The following PCDHGA7 variants were observed in gnomAD, a reference collection of about 807,000 sequenced individuals.
PCDHGA7 encodes protocadherin gamma subfamily A, 7.
In PCDHGA7, 44 loss-of-function variants were observed where a neutral mutation model predicts 58.3. The observed-to-expected ratio is 0.75, with a 90% CI of 0.59 to 0.97. The LOEUF is 0.97. Ranked by LOEUF, PCDHGA7 falls within the 50% of genes least tolerant of loss-of-function variation. The pLI is 0.00. For missense variants in PCDHGA7, 1,266 were observed against 1,188.7 expected (o/e 1.06, Z -0.96); for synonymous variants, 516 against 504.2 (o/e 1.02, Z -0.31).
chr5:141,409,156 A>G (rs771600341), intron 1 of PCDHGA7: 1 of 1,613,986 alleles, frequency 6.2e-7, no homozygotes, highest in Non-Finnish European at 8.5e-7. Flanking sequence ...ACACCATGGA[A>G]GTGGAAGCGA....
At chr5:141,430,743 T>C in intron 1 of PCDHGA7, 1 of 1,498,372 alleles carries the variant, frequency 6.7e-7, no homozygotes, top group Non-Finnish European at 8.9e-7. Flanking sequence ...TGAAAATAAT[T>C]CTGGAGGAAG....
rs757586675 is a variant in PCDHGA7, at chr5:141,399,621, C to T, written c.2424+14298C>T. The T allele has an allele frequency of 1.1e-5, 17 of 1,613,830 alleles. No individual in the cohort carries two copies. The African/African-American group carries it at 2.3e-4, about 22-fold the overall frequency. On this transcript the variant is annotated intron_variant, in intron 1 of 3. Transcript: ENST00000518325. Reference sequence around the variant, plus strand: ...GCGACCTAGAGCCTCTGGCACTGGCCTCTTACGTGTCCATGAGCGCGCAAA... The same window carrying T: ...GCGACCTAGAGCCTCTGGCACTGGCTTCTTACGTGTCCATGAGCGCGCAAA...
rs17097297 is a variant in PCDHGA7 at position 141,426,366 on chromosome 5, G to C, written c.2424+41043G>C. 737 of 204,832 alleles carry C rather than the reference G, an allele frequency of 3.6e-3. 4 individuals are homozygous for C. The highest frequency in any genetic ancestry group is 0.015 in the African/African-American group (666 of 43,954). 12.7% of individuals were successfully genotyped at this position (204,832 alleles called of 1,614,324 possible). Reference sequence around the variant, plus strand: ...CTTTCCTGCTGCCTTTGTTCTGCGGGGCACCCTCGGAGCAGATCCGCTACT... The same window carrying C: ...CTTTCCTGCTGCCTTTGTTCTGCGGCGCACCCTCGGAGCAGATCCGCTACT... On this transcript the variant is annotated intron_variant, in intron 1 of 3. Transcript: ENST00000518325.
intron 1 of PCDHGA7, among the ~76,000 whole-genome samples, chr5:141,482,072 C>G (rs1010432509): frequency 1.5e-5 from 2 of 133,436 alleles, no homozygotes; most frequent in African/African-American, 5.9e-5. Flanking sequence ...GCAACAAGAA[C>G]AAAACTCACT....
chr5:141,420,065 G>A (rs1253164840), intron 1 of PCDHGA7: 4 of 1,614,018 alleles, frequency 2.5e-6, no homozygotes, highest in Non-Finnish European at 3.4e-6. Flanking sequence ...CTCCAAGTCC[G>A]GACCTGTGGG....
intron 1 of PCDHGA7, chr5:141,440,479 T>C (rs949675242): frequency 6.6e-6 from 1 of 152,172 alleles, no homozygotes; most frequent in African/African-American, 2.4e-5. Context: ...TTGAAAATTC[T>C]TTAAATGTTT....
At position 141,431,612 on chromosome 5, in the gene PCDHGA7, G is replaced by A. The variant is rs79883194; in HGVS notation, c.2424+46289G>A. 1.9e-6 allele frequency: 3 copies of A among 1,614,126 alleles called. No homozygotes were observed. The highest frequency in any genetic ancestry group is 2.5e-6 in the Non-Finnish European group (3 of 1,180,052). ...AGTGAGGTATTCCTTCCGGTATGTG[G>A]ACGACAAGGCGGCCCAAGTTTTCAA... On this transcript the variant is annotated intron_variant, in intron 1 of 3. Coordinates refer to ENST00000518325, the MANE Select transcript of PCDHGA7 (RefSeq NM_018920.4). This position sits in a 1 kb window ranked among gnomAD's most constrained non-coding sequence, Gnocchi z 4.8.
rs1456184444 is a variant in PCDHGA7, at chr5:141,512,578, C to G, written c.*1405C>G. ...ATAGACCTTCTTCTCCCACCCCCTT[C>G]TGCCCCTGGGTCCCCGGCCATCCAG... On this transcript the variant is annotated 3_prime_UTR_variant, in exon 4 of 4. Coordinates refer to ENST00000518325, the MANE Select transcript of PCDHGA7 (RefSeq NM_018920.4). The G allele has an allele frequency of 6.5e-6, 1 of 153,062 alleles. No individual in the cohort carries two copies. The highest frequency in any genetic ancestry group is 1.5e-5 in the Non-Finnish European group (1 of 68,534). 9.5% of individuals were successfully genotyped at this position (153,062 alleles called of 1,614,324 possible). A position where few individuals can be genotyped will look rare whatever the true frequency, so the allele number is the denominator to read the frequency against.
intron 1 of PCDHGA7, among the ~76,000 whole-genome samples, chr5:141,447,688 G>A (rs188511217): frequency 1.4e-4 from 22 of 152,258 alleles, no homozygotes; most frequent in African/African-American, 4.3e-4. Context: ...TATCTTGATA[G>A]AGGGATGGGT....
chr5:141,385,690 G>A (rs1308061047), intron 1 of PCDHGA7: 1 of 326,260 alleles, frequency 3.1e-6, no homozygotes, highest in African/African-American at 2.2e-5. Context: ...GTCTTCTCAG[G>A]ATTCTCTTTA....
chr5:141,487,675 A>G lies in PCDHGA7; in HGVS notation c.2425-7132A>G, dbSNP rs752606441. ...GTTATTCTGATCCAGGCATATGGCT[A>G]GGCCATGTCCTAGAGAGTACTGGCC... On this transcript the variant is annotated intron_variant, in intron 1 of 3. Transcript: ENST00000518325. This position sits in a 1 kb window ranked among gnomAD's most constrained non-coding sequence, Gnocchi z 5.0. 22 of 1,611,038 alleles carry G rather than the reference A, an allele frequency of 1.4e-5. No individual in the cohort carries two copies. Among genetic ancestry groups the G allele is most frequent in the Non-Finnish European group, 1.7e-5 (20 of 1,178,458 alleles).
chr5:141,506,444 CAAAAAAAAAAAAA>C (rs1219684339), intron 3 of PCDHGA7, among the ~76,000 whole-genome samples: 1 of 95,030 alleles, frequency 1.1e-5, no homozygotes, highest in Non-Finnish European at 2.2e-5. Context: ...CGCTCTGTCT[CAAAAAAAAAAAAA>C]AAAAAAAAGA....
In PCDHGA7 at chr5:141,459,764, A is replaced by G. The variant is rs980972909; in HGVS notation, c.2425-35043A>G. On this transcript the variant is annotated intron_variant, in intron 1 of 3. Transcript: ENST00000518325. ...TTTTAGCAATTCTAGTGGGTGTGTG[A>G]TACTATCTCATTGAAGTTTCAACTG... Among the ~76,000 whole-genome samples, 56 of 152,208 alleles carry G rather than the reference A, an allele frequency of 3.7e-4. 1 individual carries two copies. Among genetic ancestry groups the G allele is most frequent in the Admixed American group, 6.5e-5 (1 of 15,274 alleles).
intron 1 of PCDHGA7, chr5:141,409,680 C>T (rs756713114): frequency 1.9e-6 from 3 of 1,613,242 alleles, no homozygotes; most frequent in African/African-American, 1.3e-5. Context: ...TCTATAGTGG[C>T]GAGTGACCTA....
At chr5:141,394,239 G>A (rs530540432) in intron 1 of PCDHGA7, 1 of 1,613,868 alleles carries the variant, frequency 6.2e-7, no homozygotes, top group South Asian at 1.1e-5. Flanking sequence ...TTCCTTGACT[G>A]CACACGACCC....
At chr5:141,446,169 C>A (rs920519501) in intron 1 of PCDHGA7, among the ~76,000 whole-genome samples, 1 of 152,014 alleles carries the variant, frequency 6.6e-6, no homozygotes, top group African/African-American at 2.4e-5. Flanking sequence ...TTCATGAGGG[C>A]AGGGGGTGTT....
chr5:141,485,676 G>A lies in PCDHGA7; in HGVS notation c.2425-9131G>A. The A allele has an allele frequency of 6.2e-7, 1 of 1,612,928 alleles. No individual in the cohort carries two copies. The highest frequency in any genetic ancestry group is 2.2e-5 in the East Asian group (1 of 44,848). On this transcript the variant is annotated intron_variant, in intron 1 of 3. Coordinates refer to ENST00000518325, the MANE Select transcript of PCDHGA7 (RefSeq NM_018920.4). This position sits in a 1 kb window ranked among gnomAD's most constrained non-coding sequence, Gnocchi z 5.7. ...GCAGATGTGGGGAGCAATTCGATTA[G>A]CAGCTATAGGCTGAGCTCCAATGAA...
In PCDHGA7 at chr5:141,491,250, C is replaced by T. The variant is rs1328621598; in HGVS notation, c.2425-3557C>T. The T allele has an allele frequency of 6.2e-7, 1 of 1,614,148 alleles. No individual in the cohort carries two copies. Among genetic ancestry groups the T allele is most frequent in the South Asian group, 1.1e-5 (1 of 91,092 alleles). ...TGCTGCTGGTTCTGGAGGATGAGGA[C>T]CCTGAGGAAATGCCCAAATCCAGTG... On this transcript the variant is annotated intron_variant, in intron 1 of 3. Transcript: ENST00000518325. The surrounding 1 kb of genome is among the most constrained non-coding windows in gnomAD (Gnocchi z 6.9).
In PCDHGA7 at chr5:141,485,798, C is replaced by T. The variant is rs764109672; in HGVS notation, c.2425-9009C>T. The T allele has an allele frequency of 2.0e-5, 32 of 1,614,172 alleles. No individual in the cohort carries two copies. The highest frequency in any genetic ancestry group is 1.1e-4 in the East Asian group (5 of 44,876). ...GGATCGAGAGAAGCAATCGGACTAC[C>T]GCCTGGTGCTGACTGCTGTCGATGG... is the stretch of plus-strand genomic sequence containing the variant. On this transcript the variant is annotated intron_variant, in intron 1 of 3. Coordinates refer to ENST00000518325, the MANE Select transcript of PCDHGA7 (RefSeq NM_018920.4). The surrounding 1 kb of genome is among the most constrained non-coding windows in gnomAD (Gnocchi z 5.7).
Sources: gnomAD v4.1 joint callset for allele counts (sites outside exome capture counted in the v4.1 genomes callset) on GRCh38, gnomAD v4.1.1 for gene constraint, Gnocchi (gnomAD v3.1) non-coding constraint, MANE v1.5 for transcripts, NCBI Gene and HGNC (gene_info 2026-07-23, HGNC 2026-07-21) for gene names.